Variants in RB1CC1 observed in about 807,000 individuals in gnomAD.
RB1CC1 encodes RB1-inducible coiled-coil protein 1.
A neutral mutation model predicts 177.5 loss-of-function variants in RB1CC1; 46 were observed. That is an observed-to-expected ratio of 0.26 (90% CI 0.20 to 0.33). The LOEUF (loss-of-function observed/expected upper bound fraction) is 0.33, where lower values mean the gene tolerates loss of function less well. RB1CC1 is among the 10% of genes least tolerant of loss of function. The pLI, the probability that RB1CC1 is intolerant of heterozygous loss-of-function variation, is 1.00. For synonymous variants in RB1CC1, 666 were observed against 613.6 expected (o/e 1.09, Z -1.26); for missense variants, 1,703 against 1,816.3 (o/e 0.94, Z 1.13).
intron 5 of RB1CC1, 131 bp from the exon 6 acceptor site, chr8:52,676,702 G>A (rs1216845704): frequency 9.6e-6 from 8 of 835,758 alleles, no homozygotes; most frequent in East Asian, 2.7e-5. Context: ...TCAAAGGACT[G>A]TTTTAGTTTA....
chr8:52,683,773 G>GC, intron 4 of RB1CC1, 54 bp from the exon 5 acceptor site: 1 of 1,558,820 alleles, frequency 6.4e-7, no homozygotes, highest in Admixed American at 1.9e-5. Context: ...TAAATACTGA[G>GC]CGTGCACATT....
At chr8:52,691,662 A>G (rs757567336) in intron 1 of RB1CC1, among the ~76,000 whole-genome samples, 3 of 152,208 alleles carry the variant, frequency 2.0e-5, no homozygotes, top group Non-Finnish European at 4.4e-5. Flanking sequence ...CATTGTGTAT[A>G]GTCCTAAGAC....
In RB1CC1 at chr8:52,682,070, A is replaced by C. The variant is rs186651667; in HGVS notation, c.369+1479T>G. On this transcript the variant is annotated intron_variant, in intron 5 of 23. Transcript: ENST00000025008. ...GTGCACCTGGAAAAGCCACAGACAC[A>C]ACGCCAGCCTGTGAAAGCAGCCGGG... is the stretch of plus-strand genomic sequence containing the variant. 4.9e-3 allele frequency among the ~76,000 whole-genome samples: 745 copies of C among 152,342 alleles called. 4 individuals carry two copies. The highest frequency in any genetic ancestry group is 7.1e-3 in the Non-Finnish European group (483 of 68,036).
rs77246502 is a variant in RB1CC1, at chr8:52,632,115, G to A, written c.4441-1587C>T. On this transcript the variant is annotated intron_variant, in intron 20 of 23. Transcript: ENST00000025008. ...TGCTAGCTGATAAGCTATAGCCATG[G>A]CTTAGCCGGGACTGTTCTCCTCTTC... 4.3e-4 allele frequency among the ~76,000 whole-genome samples: 65 copies of A among 152,276 alleles called. 1 individual carries two copies. Among genetic ancestry groups the A allele is most frequent in the African/African-American group, 1.5e-3 (63 of 41,542 alleles).
intron 18 of RB1CC1, among the ~76,000 whole-genome samples, chr8:52,640,056 A>T (rs937677405): frequency 6.6e-6 from 1 of 152,190 alleles, no homozygotes; most frequent in Non-Finnish European, 1.5e-5. Flanking sequence ...TTATTAATTC[A>T]TTTAAAAATA....
At chr8:52,640,428 A>G (rs80346253) in intron 18 of RB1CC1, among the ~76,000 whole-genome samples, 4,591 of 152,362 alleles carry the variant, frequency 0.03, 261 homozygotes, top group African/African-American at 0.1. Context: ...GGATTACTCT[A>G]ATTTGAATGT....
chr8:52,708,053 T>C (rs1856736349), intron 1 of RB1CC1, among the ~76,000 whole-genome samples: 1 of 152,200 alleles, frequency 6.6e-6, no homozygotes, highest in African/African-American at 2.4e-5. Context: ...GTGGCAATTA[T>C]GACTTTAATT....
intron 15 of RB1CC1, among the ~76,000 whole-genome samples, chr8:52,647,120 T>C (rs936243329): frequency 1.3e-5 from 2 of 152,236 alleles, no homozygotes; most frequent in African/African-American, 2.4e-5. Context: ...GAATACACTA[T>C]ATCAATAATC....
In RB1CC1 at chr8:52,656,427, A is replaced by G; in HGVS notation, c.3402T>C (p.Asp1134=). Residue 1134 remains aspartate (D), a synonymous_variant, in exon 15 of 24, where the codon GAT becomes GAC. Transcript: ENST00000025008. ...ELRTLMTIEK[D]QCISELISRH... ...TACTAATTAACTCGGAAATACACTG[A>G]TCTTTTTCAATTGTCATTAAAGTTC... 1.9e-6 allele frequency: 3 copies of G among 1,611,526 alleles called. No homozygotes were observed. Among genetic ancestry groups the G allele is most frequent in the Non-Finnish European group, 2.5e-6 (3 of 1,179,604 alleles).
intron 1 of RB1CC1, among the ~76,000 whole-genome samples, chr8:52,702,451 T>C (rs1343038918): frequency 2.6e-5 from 4 of 152,332 alleles, no homozygotes; most frequent in Admixed American, 2.0e-4. Context: ...GCACAGTGGT[T>C]CATGCCTGTA....
chr8:52,629,424 T>C (rs537071457), intron 21 of RB1CC1, among the ~76,000 whole-genome samples: 23 of 152,282 alleles, frequency 1.5e-4, no homozygotes, highest in Non-Finnish European at 2.8e-4. Context: ...AACCATTCAA[T>C]TGATAAATTC....
intron 1 of RB1CC1, among the ~76,000 whole-genome samples, chr8:52,691,213 A>G (rs1164687813): frequency 1.3e-5 from 2 of 152,202 alleles, no homozygotes; most frequent in African/African-American, 4.8e-5. Context: ...ATTGCTTTCA[A>G]TCAGAAGCTT....
chr8:52,702,743 T>C (rs1856195565), intron 1 of RB1CC1, among the ~76,000 whole-genome samples: 1 of 151,846 alleles, frequency 6.6e-6, no homozygotes, highest in African/African-American at 2.4e-5. Context: ...AAAATGTAGA[T>C]AAAACAAGAA....
chr8:52,703,064 A>G (rs1856226075), intron 1 of RB1CC1, among the ~76,000 whole-genome samples: 2 of 152,154 alleles, frequency 1.3e-5, no homozygotes, highest in African/African-American at 2.4e-5. Flanking sequence ...ACATGCAGGT[A>G]GCTAATTTTC....
chr8:52,695,520 A>G (rs1025206954), intron 1 of RB1CC1, among the ~76,000 whole-genome samples: 1 of 152,186 alleles, frequency 6.6e-6, no homozygotes, highest in African/African-American at 2.4e-5. Context: ...TGACCTCCAG[A>G]GGAACTACTG....
intron 1 of RB1CC1, among the ~76,000 whole-genome samples, chr8:52,700,246 A>T (rs1044231665): frequency 6.6e-6 from 1 of 152,120 alleles, no homozygotes; most frequent in African/African-American, 2.4e-5. Flanking sequence ...TCTCAAAGAA[A>T]ATCAGCAACA....
rs547226670 is a variant in RB1CC1, at chr8:52,628,298, A to G, written c.4500-130T>C. On this transcript the variant is annotated intron_variant, in intron 21 of 23. Transcript: ENST00000025008. ...ATGCAATATTAAATTTCACATTTACATGATACTCTTTTTGCATTCTGCCCA... is the reference window on the plus strand; with the variant it reads ...ATGCAATATTAAATTTCACATTTACGTGATACTCTTTTTGCATTCTGCCCA... 335 of 941,450 alleles carry G rather than the reference A, an allele frequency of 3.6e-4. 3 individuals are homozygous for G. Among genetic ancestry groups the G allele is most frequent in the South Asian group, 2.5e-3 (149 of 60,546 alleles). 58.3% of individuals were successfully genotyped at this position (941,450 alleles called of 1,614,324 possible).
At chr8:52,667,911 A>C in intron 8 of RB1CC1, 110 bp downstream of exon 8, 1 of 1,064,362 alleles carries the variant, frequency 9.4e-7, no homozygotes, top group East Asian at 2.5e-5. Context: ...CATTAAAAAT[A>C]TTCAAGGAAA....
chr8:52,674,189 G>C lies in RB1CC1; in HGVS notation c.658C>G (p.Leu220Val). ...RHSYRECLGR[L>V]DSLPEHEDSE... ...TCTTCATGTTCAGGTAAAGAATCCA[G>C]TCTTCCCAAACATTCTCTGTAACTA... The change falls in exon 7 of 24, where the codon CTG becomes GTG. Residue 220 changes from leucine (L) to valine (V), a missense_variant. Coordinates refer to ENST00000025008, the MANE Select transcript of RB1CC1 (RefSeq NM_014781.5). 13 of 1,612,882 alleles carry C rather than the reference G, an allele frequency of 8.1e-6. No individual in the cohort carries two copies. The highest frequency in any genetic ancestry group is 1.1e-5 in the Non-Finnish European group (13 of 1,178,854).
Sources: allele counts gnomAD v4.1 joint callset (sites outside exome capture counted in the v4.1 genomes callset), GRCh38; gene constraint gnomAD v4.1.1; transcripts MANE v1.5; gene names NCBI Gene and HGNC (gene_info 2026-07-23, HGNC 2026-07-21).